COL4A4: variants seen among roughly 807,000 people sequenced by gnomAD.
COL4A4 encodes the protein collagen type IV alpha 4 chain.
Under a neutral mutation model 192.9 loss-of-function variants are expected in COL4A4, and 105 were observed. That is an observed-to-expected ratio of 0.54 (90% confidence interval 0.46 to 0.64). The LOEUF is 0.64. COL4A4 is among the 30% of genes least tolerant of loss of function. The probability of loss-of-function intolerance (pLI) is 0.00; values close to 1 mark genes in which losing one functional copy is unlikely to be tolerated. For missense variants in COL4A4, 1,967 were observed against 2,169.3 expected, an observed-to-expected ratio of 0.91 and a Z score of 1.85; for synonymous variants, 762 against 769.9, an observed-to-expected ratio of 0.99 and a Z score of 0.17.
At chr2:227,088,532 T>C in intron 22 of COL4A4, 121 bp downstream of exon 22, 1 of 1,310,802 alleles carries the variant, frequency 7.6e-7, no homozygotes, top group Non-Finnish European at 1.1e-6. Flanking sequence ...GAACTGCGAG[T>C]CAATTAAACC....
At chr2:226,977,357 C>T in the COL4A4 span, among the ~76,000 whole-genome samples, 817 of 152,272 alleles carry the variant, frequency 5.4e-3, 4 homozygotes, top group Non-Finnish European at 9.4e-3. Context: ...GTCTGCCCCA[C>T]TGAGTGTCCG....
At chr2:227,125,202 TA>T (rs1448036552) in intron 4 of COL4A4, among the ~76,000 whole-genome samples, 2 of 152,060 alleles carry the variant, frequency 1.3e-5, no homozygotes, top group African/African-American at 4.8e-5. Flanking sequence ...TAAAATACTT[TA>T]TTTTTTTTTT....
At chr2:227,021,695 G>A (rs982541092) in intron 44 of COL4A4, among the ~76,000 whole-genome samples, 1 of 152,022 alleles carries the variant, frequency 6.6e-6, no homozygotes, top group African/African-American at 2.4e-5. Flanking sequence ...CGTGGTGGTG[G>A]GCGCCTGTAG....
At chr2:227,127,659 G>T (rs1315282721) in intron 4 of COL4A4, among the ~76,000 whole-genome samples, 3 of 152,180 alleles carry the variant, frequency 2.0e-5, no homozygotes, top group African/African-American at 7.2e-5. Flanking sequence ...GGCTGGCAAT[G>T]ATCTGGTTGC....
chr2:226,993,787 C>T, the COL4A4 span, among the ~76,000 whole-genome samples: 6 of 152,154 alleles, frequency 3.9e-5, no homozygotes, highest in East Asian at 3.8e-4. Context: ...TCTTTGACAA[C>T]GGAAACTTCA....
intron 4 of COL4A4, among the ~76,000 whole-genome samples, chr2:227,126,619 C>A (rs1025609434): frequency 6.6e-6 from 1 of 152,050 alleles, no homozygotes; most frequent in African/African-American, 2.4e-5. Context: ...GTATTTAGTG[C>A]GGTTTTTTTG....
chr2:227,071,330 AC>A (rs1321914774), intron 25 of COL4A4, among the ~76,000 whole-genome samples: 1 of 152,108 alleles, frequency 6.6e-6, no homozygotes, highest in Non-Finnish European at 1.5e-5. Context: ...TAATGATAAA[AC>A]GATCAACAAG....
chr2:227,058,939 G>T (rs978786127), intron 28 of COL4A4, among the ~76,000 whole-genome samples: 3 of 152,050 alleles, frequency 2.0e-5, no homozygotes, highest in African/African-American at 7.2e-5. Context: ...TGGAATGAAG[G>T]TCCCTCTACC....
At chr2:227,051,653 A>G (rs948952572) in intron 32 of COL4A4, among the ~76,000 whole-genome samples, 1 of 152,170 alleles carries the variant, frequency 6.6e-6, no homozygotes, top group African/African-American at 2.4e-5. Context: ...CTGCATTTTA[A>G]CAAGCTCTCC....
intron 16 of COL4A4, 45 bp from the exon 17 acceptor site, chr2:227,101,602 G>A (rs777347163): frequency 6.5e-7 from 1 of 1,530,924 alleles, no homozygotes; most frequent in African/African-American, 1.4e-5. Flanking sequence ...AAGTGACTGG[G>A]TGACAAATTA....
At chr2:227,025,886 A>C in intron 42 of COL4A4, 76 bp from the exon 43 acceptor site, 1 of 1,366,638 alleles carries the variant, frequency 7.3e-7, no homozygotes, top group Non-Finnish European at 1.0e-6. Context: ...AAATTTGTGG[A>C]TTAGGACAAA....
intron 4 of COL4A4, among the ~76,000 whole-genome samples, chr2:227,125,237 T>C (rs1337831664): frequency 2.0e-5 from 3 of 152,144 alleles, no homozygotes; most frequent in Middle Eastern, 6.8e-3. Flanking sequence ...AGATGGAGTC[T>C]CGCTCTTTCT....
chr2:227,038,030 T>C (rs2150036732), intron 37 of COL4A4, among the ~76,000 whole-genome samples: 1 of 152,340 alleles, frequency 6.6e-6, no homozygotes, highest in Non-Finnish European at 1.5e-5. Context: ...CTGTTCACTC[T>C]GATGATAGTT....
chr2:227,094,408 G>A (rs901268233), intron 19 of COL4A4, 119 bp from the exon 20 acceptor site: 46 of 933,362 alleles, frequency 4.9e-5, no homozygotes, highest in Middle Eastern at 3.2e-4. Context: ...GGAAAGAGAC[G>A]GAGCTGGAGG....
At position 227,051,061 on chromosome 2, in the gene COL4A4, C is replaced by G; in HGVS notation, c.3066G>C (p.Gln1022His). 1 of 1,614,182 alleles carries G rather than the reference C, an allele frequency of 6.2e-7. No individual in the cohort carries two copies. Among genetic ancestry groups the G allele is most frequent in the Non-Finnish European group, 8.5e-7 (1 of 1,180,034 alleles). ...GGCCTGGGGGTCCAGGAGGCCCTGG[C>G]TGACCTTTCTCACCAGGTTCCCCTC... The part of the protein sequence containing the change: ...FHRGEPGEKG[Q>H]PGPPGPPGPP... The change falls in exon 33 of 48, where the codon CAG (glutamine) becomes CAC (histidine). Residue 1022 changes from glutamine (Q) to histidine (H), a missense_variant. Gln to His is a conservative substitution (Grantham distance 24). Coordinates refer to ENST00000396625, the MANE Select transcript of COL4A4 (RefSeq NM_000092.5).
At position 227,109,695 on chromosome 2, in the gene COL4A4, C is replaced by T. The variant is rs181992684; in HGVS notation, c.595-409G>A. ...CAGGGAATCGGAGATTGCAGTGAGCCGAGATTGTGCCACTGCACTCCAGCC... is the reference window on the plus strand; with the variant it reads ...CAGGGAATCGGAGATTGCAGTGAGCTGAGATTGTGCCACTGCACTCCAGCC... On this transcript the variant is annotated intron_variant, in intron 9 of 47. Coordinates refer to ENST00000396625, the MANE Select transcript of COL4A4 (RefSeq NM_000092.5). Among the ~76,000 whole-genome samples the T allele has an allele frequency of 7.0e-3, 1,058 of 150,796 alleles. 5 individuals are homozygous for T. Among genetic ancestry groups the T allele is most frequent in the Non-Finnish European group, 0.011 (715 of 67,902 alleles).
At chr2:226,970,367 G>T in the COL4A4 span, among the ~76,000 whole-genome samples, 1 of 151,914 alleles carries the variant, frequency 6.6e-6, no homozygotes, top group Non-Finnish European at 1.5e-5. Context: ...ATTGAAAAAT[G>T]GTTTCATTTT....
chr2:227,149,722 AT>A (rs1296825570), intron 1 of COL4A4, among the ~76,000 whole-genome samples: 1 of 152,216 alleles, frequency 6.6e-6, no homozygotes, highest in Non-Finnish European at 1.5e-5. Flanking sequence ...TAAAATTCAC[AT>A]GTATTGTGAT....
intron 33 of COL4A4, 151 bp downstream of exon 33, chr2:227,050,826 A>AG: frequency 2.3e-6 from 2 of 879,896 alleles, no homozygotes; most frequent in Non-Finnish European, 3.6e-6. Flanking sequence ...GCCTTCTAGA[A>AG]GGCTCTATTT....
Sources: gnomAD v4.1 joint callset for allele counts (sites outside exome capture counted in the v4.1 genomes callset) on GRCh38, gnomAD v4.1.1 for gene constraint, MANE v1.5 for transcripts, NCBI Gene and HGNC (gene_info 2026-07-23, HGNC 2026-07-21) for gene names.